The following CNTN4 variants were observed in gnomAD, a reference collection of about 807,000 sequenced individuals.
CNTN4 encodes contactin-4.
A neutral mutation model predicts 122.5 loss-of-function variants in CNTN4; 77 were observed. The observed-to-expected ratio is 0.63, with a 90% CI of 0.52 to 0.76. The LOEUF is 0.76. Ranked by LOEUF, CNTN4 falls within the 30% of genes least tolerant of loss-of-function variation. The probability of loss-of-function intolerance (pLI) is 0.00; values close to 1 mark genes in which losing one functional copy is unlikely to be tolerated. For synonymous variants in CNTN4, 512 were observed against 447.0 expected, an observed-to-expected ratio of 1.15 and a Z score of -1.83; for missense variants, 1,256 against 1,259.1, an observed-to-expected ratio of 1.00 and a Z score of 0.04.
intron 14 of CNTN4, among the ~76,000 whole-genome samples, chr3:3,009,675 T>C (rs9821000): frequency 0.63 from 95,713 of 151,760 alleles, 30,595 homozygotes; most frequent in Middle Eastern, 0.74. Context: ...CCTCGTGATC[T>C]GCCCTCCTCG....
At chr3:3,033,668 C>T (rs9310928) in intron 16 of CNTN4, among the ~76,000 whole-genome samples, 8,812 of 152,240 alleles carry the variant, frequency 0.058, 828 homozygotes, top group African/African-American at 0.2. Context: ...CACCTTCCCT[C>T]CTGAGGTGGT....
In CNTN4 at chr3:2,674,556, A is replaced by C. The variant is rs555785437; in HGVS notation, c.56-61659A>C. On this transcript the variant is annotated intron_variant, in intron 4 of 24. Transcript: ENST00000418658. Reference sequence around the variant, plus strand: ...TGGATCACTTGAGGTCAGGAGTTCGAGACCAGCCTAGCCAACATGGTGAAA... The same window carrying C: ...TGGATCACTTGAGGTCAGGAGTTCGCGACCAGCCTAGCCAACATGGTGAAA... Among the ~76,000 whole-genome samples the C allele has an allele frequency of 3.3e-5, 5 of 152,338 alleles. No individual in the cohort carries two copies. In the East Asian group the frequency reaches 9.7e-4, roughly 29 times the overall value.
chr3:2,894,514 T>G (rs2094084320), intron 10 of CNTN4, among the ~76,000 whole-genome samples: 1 of 152,200 alleles, frequency 6.6e-6, no homozygotes, highest in Non-Finnish European at 1.5e-5. Context: ...CTACTTAACC[T>G]GAATATTATT....
rs185987964 is a variant in CNTN4 at position 2,673,603 on chromosome 3, T to C, written c.56-62612T>C. ...TCGCCCAGGCTGGAGTGCAGTGGCGTGATCTCGGCTCACTGCAAGCTGCAC... is the reference window on the plus strand; with the variant it reads ...TCGCCCAGGCTGGAGTGCAGTGGCGCGATCTCGGCTCACTGCAAGCTGCAC... On this transcript the variant is annotated intron_variant, in intron 4 of 24. Transcript: ENST00000418658. Among the ~76,000 whole-genome samples the C allele has an allele frequency of 1.7e-3, 258 of 152,190 alleles. 2 individuals carry two copies. The highest frequency in any genetic ancestry group is 6.1e-3 in the African/African-American group (254 of 41,530).
chr3:2,668,950 C>G (rs2150356847), intron 4 of CNTN4, among the ~76,000 whole-genome samples: 1 of 152,266 alleles, frequency 6.6e-6, no homozygotes, highest in African/African-American at 2.4e-5. Flanking sequence ...CCCACTTGAT[C>G]ATGGTGGATA....
At chr3:2,844,435 G>T (rs1207765406) in intron 7 of CNTN4, among the ~76,000 whole-genome samples, 1 of 152,188 alleles carries the variant, frequency 6.6e-6, no homozygotes, top group Non-Finnish European at 1.5e-5. Flanking sequence ...GCAGTAGGCT[G>T]CTTTGGGGTT....
intron 2 of CNTN4, among the ~76,000 whole-genome samples, chr3:2,243,638 A>G (rs1030795413): frequency 3.3e-5 from 5 of 152,100 alleles, no homozygotes; most frequent in Non-Finnish European, 5.9e-5. Flanking sequence ...GCTTATTAGT[A>G]ATGAGTAAAT....
chr3:2,291,799 T>C (rs540360163), intron 2 of CNTN4, among the ~76,000 whole-genome samples: 5 of 152,214 alleles, frequency 3.3e-5, no homozygotes, highest in African/African-American at 1.2e-4. Flanking sequence ...GATGGCAGGA[T>C]CTTGGCTCAC....
chr3:2,212,086 A>G (rs187615780), intron 2 of CNTN4, among the ~76,000 whole-genome samples: 1 of 152,038 alleles, frequency 6.6e-6, no homozygotes, highest in Admixed American at 6.6e-5. Flanking sequence ...CAATCCTTCT[A>G]CCTCAGTCCA....
intron 13 of CNTN4, among the ~76,000 whole-genome samples, chr3:2,985,780 A>C (rs1175092434): frequency 6.6e-6 from 1 of 152,208 alleles, no homozygotes; most frequent in Non-Finnish European, 1.5e-5. Context: ...ATTGATTTCA[A>C]ATTGTCAGAA....
At chr3:2,326,387 T>C (rs1224421955) in intron 2 of CNTN4, among the ~76,000 whole-genome samples, 2 of 152,036 alleles carry the variant, frequency 1.3e-5, no homozygotes, top group Non-Finnish European at 2.9e-5. Flanking sequence ...GGAAATAGAC[T>C]GTCAGCTCTC....
At chr3:2,327,846 G>T (rs1156234917) in intron 2 of CNTN4, among the ~76,000 whole-genome samples, 1 of 152,084 alleles carries the variant, frequency 6.6e-6, no homozygotes, top group Non-Finnish European at 1.5e-5. Flanking sequence ...CAGTGTTCAG[G>T]ACTCATTACC....
rs139581279 is a variant in CNTN4, at chr3:2,698,956, G to A, written c.56-37259G>A. Among the ~76,000 whole-genome samples the A allele has an allele frequency of 5.1e-3, 775 of 152,244 alleles. 6 individuals carry two copies. Among genetic ancestry groups the A allele is most frequent in the African/African-American group, 0.017 (711 of 41,548 alleles). On this transcript the variant is annotated intron_variant, in intron 4 of 24. Transcript: ENST00000418658. ...GAGAATTGCTGGAACCCGGGAGGTG[G>A]AGGTTGCAGTGAGCCGAGATAGTGC...
chr3:2,959,374 T>C (rs1025892967), intron 13 of CNTN4, among the ~76,000 whole-genome samples: 16 of 152,168 alleles, frequency 1.1e-4, no homozygotes, highest in African/African-American at 3.6e-4. Flanking sequence ...TCTTTAAAAA[T>C]GTAAACACCT....
In CNTN4 at chr3:2,313,825, C is replaced by G. The variant is rs148510380; in HGVS notation, c.-144-25353C>G. Among the ~76,000 whole-genome samples the G allele has an allele frequency of 1.3e-4, 19 of 151,876 alleles. No homozygotes were observed. The East Asian group carries it at 3.3e-3, about 26-fold the overall frequency. On this transcript the variant is annotated intron_variant, in intron 2 of 24. Coordinates refer to ENST00000418658, the MANE Select transcript of CNTN4 (RefSeq NM_175607.3). ...TTTCAGGCATACCCACCAAATACCC[C>G]CCAAAATAAAGGATGCTTCCCTTAT...
At chr3:2,545,147 G>A (rs1005692647) in intron 3 of CNTN4, among the ~76,000 whole-genome samples, 5 of 152,036 alleles carry the variant, frequency 3.3e-5, no homozygotes, top group African/African-American at 1.2e-4. Context: ...TCTTTTAAGA[G>A]CATGTTGTTT....
chr3:2,733,679 ACAC>A, intron 4 of CNTN4, among the ~76,000 whole-genome samples: 1 of 151,708 alleles, frequency 6.6e-6, no homozygotes. Flanking sequence ...GATTACAGGC[ACAC>A]GCCACCATGC....
chr3:2,775,859 A>G (rs577271528), intron 6 of CNTN4, among the ~76,000 whole-genome samples: 32 of 152,220 alleles, frequency 2.1e-4, no homozygotes, highest in African/African-American at 7.2e-4. Context: ...TGAGGGCGGG[A>G]ACCTTTTATA....
intron 12 of CNTN4, among the ~76,000 whole-genome samples, chr3:2,921,552 G>T (rs1288054258): frequency 6.6e-6 from 1 of 152,218 alleles, no homozygotes; most frequent in Non-Finnish European, 1.5e-5. Flanking sequence ...TGAGGTAATA[G>T]TTAAAGAAAG....
Sources: allele counts gnomAD v4.1 joint callset (sites outside exome capture counted in the v4.1 genomes callset), GRCh38; gene constraint gnomAD v4.1.1; transcripts MANE v1.5; gene names NCBI Gene and HGNC (gene_info 2026-07-23, HGNC 2026-07-21).